Variants in ARHGAP32 observed in about 807,000 individuals in gnomAD.
The protein encoded by ARHGAP32 is rho GTPase-activating protein 32.
ARHGAP32 carries 51 observed loss-of-function variants against 186.5 expected under a neutral mutation model. That is an observed-to-expected ratio of 0.27 (90% confidence interval 0.22 to 0.35). The LOEUF is 0.35. ARHGAP32 is among the 10% of genes least tolerant of loss of function. The pLI is 1.00. For missense variants in ARHGAP32, 2,186 were observed against 2,623.5 expected, an observed-to-expected ratio of 0.83 and a Z score of 3.64; for synonymous variants, 950 against 964.3, an observed-to-expected ratio of 0.99 and a Z score of 0.27.
chr11:129,182,229 AAG>A (rs1944070874), intron 1 of ARHGAP32, among the ~76,000 whole-genome samples: 1 of 152,178 alleles, frequency 6.6e-6, no homozygotes, highest in Admixed American at 6.6e-5. Context: ...ATGCTACAAT[AAG>A]TTTGTGCATT....
At chr11:129,226,180 C>A (rs1944779333) in intron 1 of ARHGAP32, among the ~76,000 whole-genome samples, 1 of 152,108 alleles carries the variant, frequency 6.6e-6, no homozygotes, top group Non-Finnish European at 1.5e-5. Context: ...CACTTGCATA[C>A]ATACAGTGAG....
rs766035452 is a variant in ARHGAP32, at chr11:129,066,716, G to A, written c.669+15C>T. On this transcript the variant is annotated intron_variant, in intron 7 of 22. Coordinates refer to ENST00000682385, the MANE Select transcript of ARHGAP32 (RefSeq NM_001378024.1). ...TATAGTGATTACCTCTGTACTAAATGTACTAAATGCTTACCTCTGGACTGT... is the reference window on the plus strand; with the variant it reads ...TATAGTGATTACCTCTGTACTAAATATACTAAATGCTTACCTCTGGACTGT... The A allele has an allele frequency of 3.1e-6, 5 of 1,609,548 alleles. No homozygotes were observed. The highest frequency in any genetic ancestry group is 4.2e-6 in the Non-Finnish European group (5 of 1,177,888).
intron 2 of ARHGAP32, among the ~76,000 whole-genome samples, chr11:129,160,795 T>C (rs995192967): frequency 1.3e-5 from 2 of 152,134 alleles, no homozygotes; most frequent in African/African-American, 4.8e-5. Context: ...TTCACAGAAT[T>C]AGAAAAAACT....
At chr11:129,266,435 T>A (rs1485585897) in intron 1 of ARHGAP32, among the ~76,000 whole-genome samples, 1 of 152,082 alleles carries the variant, frequency 6.6e-6, no homozygotes, top group Non-Finnish European at 1.5e-5. Context: ...GGTAAATAGG[T>A]CATCCTGCTG....
Position 128,998,309 on chromosome 11 carries a change from T to G in ARHGAP32, c.1195+10A>C, listed in dbSNP as rs1477193205. ...AACTCAGAGTATAAGCTTGCACATT[T>G]TATTTTTACCTTCAAAACCAGAATT... is the stretch of plus-strand genomic sequence containing the variant. On this transcript the variant is annotated intron_variant, in intron 12 of 22. Coordinates refer to ENST00000682385, the MANE Select transcript of ARHGAP32 (RefSeq NM_001378024.1). The G allele has an allele frequency of 2.6e-6, 4 of 1,557,226 alleles. No individual in the cohort carries two copies. The highest frequency in any genetic ancestry group is 3.5e-6 in the Non-Finnish European group (4 of 1,148,660).
Position 129,192,155 on chromosome 11 carries a change from ACACTGT to A in ARHGAP32, c.38_43del (p.Asp13_Ser14del). On this transcript the variant is annotated inframe_deletion, in exon 1 of 23. Coordinates refer to ENST00000682385, the MANE Select transcript of ARHGAP32 (RefSeq NM_001378024.1). ...TATAACTTCAGACTCCAACCAGAAGACACTGTCATCCCCTAAAGTGCTACTCTCACT... is the reference window on the plus strand; with the variant it reads ...TATAACTTCAGACTCCAACCAGAAGACATCCCCTAAAGTGCTACTCTCACT... 1 of 1,613,912 alleles carries A rather than the reference ACACTGT, an allele frequency of 6.2e-7. No individual in the cohort carries two copies. The highest frequency in any genetic ancestry group is 8.5e-7 in the Non-Finnish European group (1 of 1,179,854).
chr11:129,038,888 G>GAAAAAAAAAAAAAAAA, intron 11 of ARHGAP32, among the ~76,000 whole-genome samples: 1 of 92,192 alleles, frequency 1.1e-5, no homozygotes, highest in Non-Finnish European at 2.1e-5. Context: ...ACCCTGTCTC[G>GAAAAAAAAAAAAAAAA]AAAAAAAAAA....
In ARHGAP32 at chr11:128,967,540, TG is replaced by T. The variant is rs1229842915; in HGVS notation, c.*1366del. The T allele has an allele frequency of 6.6e-6, 1 of 152,192 alleles. No homozygotes were observed. The highest frequency in any genetic ancestry group is 1.5e-5 in the Non-Finnish European group (1 of 68,040). The allele number at this position is 152,192 out of a possible 1,614,324, so 9.4% of individuals were successfully genotyped here. A position where few individuals can be genotyped will look rare whatever the true frequency, so the allele number is the denominator to read the frequency against. On this transcript the variant is annotated 3_prime_UTR_variant, in exon 23 of 23. Transcript: ENST00000682385. Reference sequence around the variant, plus strand: ...GGGAGCTGAGAACATAGAATGGAGTTGGGCTAGAGAGTTCCTACTCTAATAA... The same window carrying T: ...GGGAGCTGAGAACATAGAATGGAGTTGGCTAGAGAGTTCCTACTCTAATAA...
intron 1 of ARHGAP32, among the ~76,000 whole-genome samples, chr11:129,180,750 CTG>C (rs1347943917): frequency 6.6e-6 from 1 of 152,172 alleles, no homozygotes; most frequent in East Asian, 1.9e-4. Context: ...TAACCTACTG[CTG>C]TATTTTTTAC....
At chr11:129,156,213 A>G (rs1303111318) in intron 2 of ARHGAP32, among the ~76,000 whole-genome samples, 1 of 152,106 alleles carries the variant, frequency 6.6e-6, no homozygotes, top group East Asian at 1.9e-4. Context: ...TTCATACCCC[A>G]GTGGCGCCTG....
chr11:129,124,956 C>A, intron 2 of ARHGAP32, 62 bp from the exon 3 acceptor site: 1 of 1,314,112 alleles, frequency 7.6e-7, no homozygotes, highest in Admixed American at 2.1e-5. Flanking sequence ...TTTTAAAAAG[C>A]AGGTTATAAT....
chr11:129,088,497 T>C (rs932681630), intron 6 of ARHGAP32, among the ~76,000 whole-genome samples: 6 of 152,204 alleles, frequency 3.9e-5, no homozygotes, highest in Admixed American at 3.3e-4. Flanking sequence ...GGAGAATCAC[T>C]TGAACCTGTG....
rs1201944432 is a variant in ARHGAP32 at position 129,165,629 on chromosome 11, A to C, written c.117-1202T>G. Among the ~76,000 whole-genome samples the C allele has an allele frequency of 2.6e-5, 4 of 151,110 alleles. No homozygotes were observed. In the East Asian group the frequency reaches 7.7e-4, roughly 29 times the overall value. ...GTGAAAATTGAGAAAAAAAATAGTCAAACCAGAAAGACTCACATTTCATTC... is the reference window on the plus strand; with the variant it reads ...GTGAAAATTGAGAAAAAAAATAGTCCAACCAGAAAGACTCACATTTCATTC... On this transcript the variant is annotated intron_variant, in intron 1 of 22. Coordinates refer to ENST00000682385, the MANE Select transcript of ARHGAP32 (RefSeq NM_001378024.1).
At chr11:129,234,595 T>C (rs944153624) in intron 1 of ARHGAP32, among the ~76,000 whole-genome samples, 1 of 152,122 alleles carries the variant, frequency 6.6e-6, no homozygotes, top group Non-Finnish European at 1.5e-5. Context: ...CAAAAATACA[T>C]ATACTGTTTT....
At chr11:128,972,346 A>T (rs1473946559) in intron 22 of ARHGAP32, 107 bp downstream of exon 22, 1 of 1,303,704 alleles carries the variant, frequency 7.7e-7, no homozygotes, top group Non-Finnish European at 1.0e-6. Flanking sequence ...CACAGGGCTT[A>T]AAAGTAATTG....
intron 1 of ARHGAP32, chr11:129,202,852 T>C (rs1944470809): frequency 6.6e-6 from 1 of 152,072 alleles, no homozygotes; most frequent in Non-Finnish European, 1.5e-5. Flanking sequence ...AATACTTTGT[T>C]CTAACACTAA....
chr11:128,972,277 C>T, intron 22 of ARHGAP32, 176 bp downstream of exon 22: 1 of 553,486 alleles, frequency 1.8e-6, no homozygotes, highest in Non-Finnish European at 2.9e-6. Context: ...GGGGAAAAGC[C>T]AGCATCAAGG....
At chr11:129,207,143 C>T (rs1376930441) in intron 1 of ARHGAP32, among the ~76,000 whole-genome samples, 2 of 152,094 alleles carry the variant, frequency 1.3e-5, no homozygotes, top group East Asian at 3.9e-4. Flanking sequence ...TTTTCTTTAT[C>T]CAGTCTATCA....
chr11:129,260,761 T>C (rs1446165559), intron 1 of ARHGAP32, among the ~76,000 whole-genome samples: 1 of 152,170 alleles, frequency 6.6e-6, no homozygotes, highest in Non-Finnish European at 1.5e-5. Context: ...TAAAATATGT[T>C]ACAGCTGAGC....
Sources: allele counts gnomAD v4.1 joint callset (sites outside exome capture counted in the v4.1 genomes callset), GRCh38; gene constraint gnomAD v4.1.1; transcripts MANE v1.5; gene names NCBI Gene and HGNC (gene_info 2026-07-23, HGNC 2026-07-21).